The following SUPT3H variants were observed in gnomAD, a reference collection of about 807,000 sequenced individuals.
SUPT3H encodes the protein transcription initiation protein SPT3 homolog.
In SUPT3H, 44 loss-of-function variants were observed where a neutral mutation model predicts 44.3. The ratio of observed to expected loss-of-function variants is 0.99; its 90% CI spans 0.78 to 1.28. The LOEUF (loss-of-function observed/expected upper bound fraction) is 1.28. SUPT3H is among the 50% of genes most tolerant of loss of function. SUPT3H has a pLI of 0.00. For synonymous variants in SUPT3H, 124 were observed against 125.6 expected, an observed-to-expected ratio of 0.99 and a Z score of 0.09; for missense variants, 380 against 387.1, an observed-to-expected ratio of 0.98 and a Z score of 0.15.
chr6:44,869,746 A>T (rs1268130860), intron 10 of SUPT3H, among the ~76,000 whole-genome samples: 2 of 152,154 alleles, frequency 1.3e-5, no homozygotes, highest in Non-Finnish European at 1.5e-5. Context: ...TCTCATAACC[A>T]CTAGTTAGGA....
chr6:44,907,765 T>G (rs1766346254), intron 10 of SUPT3H, among the ~76,000 whole-genome samples: 1 of 152,212 alleles, frequency 6.6e-6, no homozygotes, highest in Non-Finnish European at 1.5e-5. Flanking sequence ...ATTTTTCATC[T>G]TGTACACAAC....
intron 2 of SUPT3H, among the ~76,000 whole-genome samples, chr6:45,253,872 T>TATATATATATATATATATATACAC (rs1491408260): frequency 8.1e-6 from 1 of 124,080 alleles, no homozygotes; most frequent in Non-Finnish European, 1.8e-5. Flanking sequence ...TATATATATA[T>TATATATATATATATATATATACAC]ACACACACAC....
intron 3 of SUPT3H, among the ~76,000 whole-genome samples, chr6:45,055,958 GAACTCA>G (rs1442451573): frequency 1.3e-5 from 2 of 151,910 alleles, no homozygotes; most frequent in Non-Finnish European, 2.9e-5. Context: ...AATCTACAAG[GAACTCA>G]AACAAATCAG....
intron 10 of SUPT3H, among the ~76,000 whole-genome samples, chr6:44,902,334 C>A (rs1765212993): frequency 6.6e-6 from 1 of 151,928 alleles, no homozygotes; most frequent in Non-Finnish European, 1.5e-5. Flanking sequence ...AGAAGATCTA[C>A]CAAGCAAATG....
At chr6:45,005,703 A>AAAC (rs1160970466) in intron 5 of SUPT3H, among the ~76,000 whole-genome samples, 1 of 151,366 alleles carries the variant, frequency 6.6e-6, no homozygotes, top group Non-Finnish European at 1.5e-5. Context: ...CTCGTCTCAA[A>AAAC]AAAAAAAAAA....
intron 10 of SUPT3H, among the ~76,000 whole-genome samples, chr6:44,882,663 A>C (rs1365950603): frequency 1.3e-5 from 2 of 152,214 alleles, no homozygotes; most frequent in African/African-American, 4.8e-5. Flanking sequence ...CGGATCCAGC[A>C]GCACATTAAA....
At chr6:44,887,326 C>G (rs1762483245) in intron 10 of SUPT3H, among the ~76,000 whole-genome samples, 1 of 152,128 alleles carries the variant, frequency 6.6e-6, no homozygotes, top group African/African-American at 2.4e-5. Flanking sequence ...TTTTTTTCAG[C>G]ACCACACCAC....
intron 3 of SUPT3H, among the ~76,000 whole-genome samples, chr6:45,059,576 G>C (rs1205208695): frequency 2.0e-5 from 3 of 152,110 alleles, no homozygotes; most frequent in African/African-American, 4.8e-5. Flanking sequence ...TGTATTGGAA[G>C]TTATGGTCAG....
chr6:44,887,685 A>T (rs1416125956), intron 10 of SUPT3H, among the ~76,000 whole-genome samples: 1 of 151,462 alleles, frequency 6.6e-6, no homozygotes, highest in African/African-American at 2.4e-5. Context: ...CAAAATTGAC[A>T]CCCTAACATC....
chr6:45,141,104 C>T (rs1218724512), intron 2 of SUPT3H, among the ~76,000 whole-genome samples: 1 of 151,930 alleles, frequency 6.6e-6, no homozygotes, highest in African/African-American at 2.4e-5. Flanking sequence ...CTTTAGGAGG[C>T]CAAGGCGGGT....
intron 2 of SUPT3H, among the ~76,000 whole-genome samples, chr6:45,150,512 T>A (rs1464212048): frequency 6.6e-6 from 1 of 152,102 alleles, no homozygotes; most frequent in East Asian, 1.9e-4. Context: ...AAACATTCAA[T>A]ATTGAATATA....
chr6:44,964,595 T>C (rs1776525027), intron 6 of SUPT3H, among the ~76,000 whole-genome samples: 1 of 152,224 alleles, frequency 6.6e-6, no homozygotes, highest in African/African-American at 2.4e-5. Flanking sequence ...GACTAAATTA[T>C]GGCAAGCTTC....
intron 3 of SUPT3H, among the ~76,000 whole-genome samples, chr6:45,061,174 T>G (rs1359055832): frequency 6.6e-6 from 1 of 152,092 alleles, no homozygotes; most frequent in Admixed American, 6.6e-5. Flanking sequence ...CTACTCACAA[T>G]AGCAAAGATA....
chr6:45,109,659 T>A (rs1423256730), intron 2 of SUPT3H, among the ~76,000 whole-genome samples: 1 of 152,184 alleles, frequency 6.6e-6, no homozygotes, highest in Non-Finnish European at 1.5e-5. Context: ...AAATAACTTC[T>A]GTCATTTTTC....
intron 2 of SUPT3H, among the ~76,000 whole-genome samples, chr6:45,254,775 A>G (rs1773047949): frequency 6.6e-6 from 1 of 152,294 alleles, no homozygotes; most frequent in East Asian, 1.9e-4. Flanking sequence ...TAAGTTACCT[A>G]CAGTCAACTG....
In SUPT3H at chr6:44,828,012, G is replaced by T. The variant is rs1457597803; in HGVS notation, c.*1804C>A. Among the ~76,000 whole-genome samples, 1 of 152,020 alleles carries T rather than the reference G, an allele frequency of 6.6e-6. No homozygotes were observed. The highest frequency in any genetic ancestry group is 1.9e-4 in the East Asian group (1 of 5,198). The stretch of plus-strand genomic sequence containing the variant: ...TCTGGGACTATAAGGAGATCAGGTG[G>T]AATAAAACGAAGGAAAAAAACCCAA... On this transcript the variant is annotated 3_prime_UTR_variant, in exon 11 of 11. Coordinates refer to ENST00000371459, the MANE Select transcript of SUPT3H (RefSeq NM_003599.4).
In SUPT3H at chr6:45,372,086, T is replaced by C. The variant is rs548671764; in HGVS notation, c.-1+5682A>G. On this transcript the variant is annotated intron_variant, in intron 1 of 10. Coordinates refer to ENST00000371459, the MANE Select transcript of SUPT3H (RefSeq NM_003599.4). ...CCACAATGTGTATGTCACAGTGAACTGTGTTGTGAAATATTAATATCTGAC... is the reference window on the plus strand; with the variant it reads ...CCACAATGTGTATGTCACAGTGAACCGTGTTGTGAAATATTAATATCTGAC... 402 of 923,508 alleles carry C rather than the reference T, an allele frequency of 4.4e-4. 1 individual carries two copies. In the African/African-American group the frequency reaches 6.1e-3, roughly 14 times the overall value. The allele number at this position is 923,508 out of a possible 1,614,324, so 57.2% of individuals were successfully genotyped here.
At chr6:44,886,450 G>C (rs1479780693) in intron 10 of SUPT3H, among the ~76,000 whole-genome samples, 2 of 152,172 alleles carry the variant, frequency 1.3e-5, no homozygotes, top group Non-Finnish European at 2.9e-5. Context: ...AGAAGAGAGT[G>C]GGGGCTAATA....
At chr6:44,822,986 C>T (rs938813859), downstream of SUPT3H, among the ~76,000 whole-genome samples, 22 of 151,248 alleles carry the variant, frequency 1.5e-4, no homozygotes, top group African/African-American at 4.4e-4. Flanking sequence ...GATGTGGTGG[C>T]GCATGCCTGT....
Sources: gnomAD v4.1 joint callset for allele counts (sites outside exome capture counted in the v4.1 genomes callset) on GRCh38, gnomAD v4.1.1 for gene constraint, MANE v1.5 for transcripts, NCBI Gene and HGNC (gene_info 2026-07-23, HGNC 2026-07-21) for gene names.